Variants in EYS observed in about 807,000 individuals in gnomAD.
The protein encoded by EYS is protein eyes shut homolog.
EYS carries 250 observed loss-of-function variants against 282.1 expected under a neutral mutation model. The observed-to-expected ratio is 0.89, with a 90% CI of 0.80 to 0.98. The LOEUF is 0.98. Among genes scored for constraint, EYS ranks in the 50% least tolerant of loss-of-function variants. The probability of loss-of-function intolerance (pLI) is 0.00; values close to 1 mark genes in which losing one functional copy is unlikely to be tolerated. For synonymous variants in EYS, 1,355 were observed against 1,282.9 expected (o/e 1.06, Z -1.20); for missense variants, 4,016 against 3,709.0 (o/e 1.08, Z -2.15).
chr6:65,458,263 C>A (rs1055849027), intron 5 of EYS, among the ~76,000 whole-genome samples: 4 of 152,146 alleles, frequency 2.6e-5, no homozygotes, highest in African/African-American at 9.7e-5. Context: ...ACCATATATT[C>A]TCTACCGTGG....
intron 12 of EYS, among the ~76,000 whole-genome samples, chr6:65,142,176 T>C (rs55713056): frequency 0.26 from 38,951 of 151,842 alleles, 5,332 homozygotes; most frequent in African/African-American, 0.35. Flanking sequence ...TATTTTATAA[T>C]GTATCGTACC....
intron 36 of EYS, among the ~76,000 whole-genome samples, chr6:63,852,128 G>C (rs1385355571): frequency 8.8e-6 from 1 of 113,544 alleles, no homozygotes; most frequent in East Asian, 2.9e-4. Flanking sequence ...CTGCACTCCA[G>C]CCTGGGCGAC....
intron 7 of EYS, among the ~76,000 whole-genome samples, chr6:65,393,015 C>T (rs920982754): frequency 1.3e-5 from 2 of 152,060 alleles, no homozygotes; most frequent in African/African-American, 2.4e-5. Context: ...AGTTCATGTC[C>T]TTTGTAGAGA....
At chr6:64,777,016 T>A (rs1190105341) in intron 22 of EYS, among the ~76,000 whole-genome samples, 1 of 152,128 alleles carries the variant, frequency 6.6e-6, no homozygotes, top group Non-Finnish European at 1.5e-5. Flanking sequence ...AGGCACCTCT[T>A]CACAGGAGAG....
intron 12 of EYS, among the ~76,000 whole-genome samples, chr6:65,167,375 C>G (rs1764997424): frequency 1.3e-5 from 2 of 151,088 alleles, no homozygotes; most frequent in Admixed American, 1.3e-4. Context: ...GTATTATGTT[C>G]TGGAATTAAA....
At chr6:65,440,928 A>T (rs1028825421) in intron 5 of EYS, among the ~76,000 whole-genome samples, 1 of 147,432 alleles carries the variant, frequency 6.8e-6, no homozygotes. Context: ...TATATATATA[A>T]AAAACAGTGT....
chr6:64,302,426 A>C (rs1374829729), intron 30 of EYS, among the ~76,000 whole-genome samples: 1 of 152,196 alleles, frequency 6.6e-6, no homozygotes, highest in Non-Finnish European at 1.5e-5. Flanking sequence ...ACATGGATCA[A>C]TTGATACCAA....
intron 30 of EYS, among the ~76,000 whole-genome samples, chr6:64,285,572 A>G (rs934603956): frequency 2.6e-5 from 4 of 151,950 alleles, no homozygotes; most frequent in African/African-American, 7.2e-5. Context: ...TTGCTTCCAC[A>G]TTTGGGTATC....
chr6:64,749,852 G>A (rs558118363), intron 22 of EYS, among the ~76,000 whole-genome samples: 19 of 151,840 alleles, frequency 1.3e-4, no homozygotes, highest in Non-Finnish European at 2.4e-4. Flanking sequence ...AGTAACTGCT[G>A]GCATTTAGGA....
intron 35 of EYS, among the ~76,000 whole-genome samples, chr6:63,927,922 C>CT (rs1260376193): frequency 6.6e-6 from 1 of 152,150 alleles, no homozygotes; most frequent in Non-Finnish European, 1.5e-5. Flanking sequence ...GCTTCCTAGG[C>CT]TTTTGTTCTT....
At chr6:63,941,096 G>A (rs1417132395) in intron 35 of EYS, among the ~76,000 whole-genome samples, 5 of 152,022 alleles carry the variant, frequency 3.3e-5, no homozygotes, top group Admixed American at 3.3e-4. Context: ...ATGGACATTT[G>A]GGTTGGTTCC....
At chr6:64,968,260 G>T (rs1770166482) in intron 14 of EYS, among the ~76,000 whole-genome samples, 1 of 151,936 alleles carries the variant, frequency 6.6e-6, no homozygotes, top group Admixed American at 6.5e-5. Context: ...CTTGACCCAA[G>T]ATTTTTTTTT....
At chr6:65,096,355 T>C (rs1396263125) in intron 12 of EYS, among the ~76,000 whole-genome samples, 1 of 150,788 alleles carries the variant, frequency 6.6e-6, no homozygotes, top group Non-Finnish European at 1.5e-5. Context: ...AAGACATAAA[T>C]ACATGGAAAG....
intron 12 of EYS, among the ~76,000 whole-genome samples, chr6:65,059,928 G>A (rs868691952): frequency 1.6e-4 from 25 of 151,858 alleles, no homozygotes; most frequent in Middle Eastern, 3.2e-3. Context: ...GAGAAACATG[G>A]GTCACATTCC....
At chr6:64,806,062 TA>T (rs1201539891) in intron 22 of EYS, among the ~76,000 whole-genome samples, 2 of 151,668 alleles carry the variant, frequency 1.3e-5, no homozygotes, top group Non-Finnish European at 3.0e-5. Flanking sequence ...AAGAATACAT[TA>T]AAAAATCAAA....
intron 15 of EYS, among the ~76,000 whole-genome samples, chr6:64,941,112 G>T (rs1236107124): frequency 1.3e-5 from 2 of 152,040 alleles, no homozygotes; most frequent in African/African-American, 4.8e-5. Flanking sequence ...AGGGCATGGT[G>T]GCTCATGCCT....
chr6:64,939,539 G>A (rs989411751), intron 15 of EYS, among the ~76,000 whole-genome samples: 1 of 151,784 alleles, frequency 6.6e-6, no homozygotes. Flanking sequence ...TATCAAATGC[G>A]ATACTTTTAT....
chr6:64,314,321 C>A (rs1769848867), intron 29 of EYS, among the ~76,000 whole-genome samples: 1 of 149,954 alleles, frequency 6.7e-6, no homozygotes, highest in African/African-American at 2.5e-5. Flanking sequence ...ATTAATGCAA[C>A]AGGAAGAGCT....
At chr6:63,921,285 CTTCGAAAAA>C (rs1764567516) in intron 35 of EYS, among the ~76,000 whole-genome samples, 1 of 152,184 alleles carries the variant, frequency 6.6e-6, no homozygotes, top group Admixed American at 6.5e-5. Flanking sequence ...TGCCAAAGCA[CTTCGAAAAA>C]TATGAAGAGT....
Sources: gnomAD v4.1 joint callset for allele counts (sites outside exome capture counted in the v4.1 genomes callset) on GRCh38, gnomAD v4.1.1 for gene constraint, MANE v1.5 for transcripts, NCBI Gene and HGNC (gene_info 2026-07-23, HGNC 2026-07-21) for gene names.